Variants in DIXDC1 observed in about 807,000 individuals in gnomAD.
The protein encoded by DIXDC1 is DIX domain containing 1, also known as dixin.
DIXDC1 carries 64 observed loss-of-function variants against 103.1 expected under a neutral mutation model. The observed-to-expected ratio is 0.62, with a 90% confidence interval of 0.51 to 0.76. The LOEUF (loss-of-function observed/expected upper bound fraction) is 0.76. DIXDC1 is among the 30% of genes least tolerant of loss of function. The pLI is 0.00. For missense variants in DIXDC1, 759 were observed against 834.2 expected, an observed-to-expected ratio of 0.91 and a Z score of 1.11; for synonymous variants, 266 against 298.5, an observed-to-expected ratio of 0.89 and a Z score of 1.12.
Position 111,958,218 on chromosome 11 carries a change from C to T in DIXDC1, c.61-6331C>T, listed in dbSNP as rs1859452256. Among the ~76,000 whole-genome samples the T allele has an allele frequency of 6.6e-6, 1 of 151,760 alleles. No individual in the cohort carries two copies. The highest frequency in any genetic ancestry group is 1.5e-5 in the Non-Finnish European group (1 of 67,904). On this transcript the variant is annotated intron_variant, in intron 1 of 19. Transcript: ENST00000440460. The surrounding 1 kb of genome is among the most constrained non-coding windows in gnomAD (Gnocchi z 4.2). ...CCTCCCGGGCACAGCTGCAGCCACCCAAACCATGGCTGTGGACCAGGCATC... is the reference window on the plus strand; with the variant it reads ...CCTCCCGGGCACAGCTGCAGCCACCTAAACCATGGCTGTGGACCAGGCATC...
upstream of DIXDC1, among the ~76,000 whole-genome samples, chr11:111,936,768 T>C (rs1034822611): frequency 2.6e-5 from 4 of 152,098 alleles, no homozygotes; most frequent in African/African-American, 9.7e-5. Flanking sequence ...TGTTTTCGGT[T>C]AGTCTGGGGG....
chr11:112,018,186 G>A (rs1555177997), intron 19 of DIXDC1, among the ~76,000 whole-genome samples: 1 of 152,188 alleles, frequency 6.6e-6, no homozygotes, highest in Admixed American at 6.5e-5. Context: ...TTTTCCATCT[G>A]CAGCCAAATC....
At chr11:111,996,373 C>G (rs976081720) in intron 17 of DIXDC1, 1 of 375,840 alleles carries the variant, frequency 2.7e-6, no homozygotes, top group African/African-American at 2.1e-5. Context: ...GCTGTTGACT[C>G]AGAGAGGCTA....
At chr11:111,970,730 C>T (rs1859892938) in intron 3 of DIXDC1, among the ~76,000 whole-genome samples, 1 of 150,566 alleles carries the variant, frequency 6.6e-6, no homozygotes, top group African/African-American at 2.4e-5. Flanking sequence ...AACTATACTA[C>T]AAGACTACAG....
Position 111,937,446 on chromosome 11 carries a change from G to A in DIXDC1, c.-54G>A, listed in dbSNP as rs1000534225. The A allele has an allele frequency of 1.6e-5, 25 of 1,548,878 alleles. No homozygotes were observed. The highest frequency in any genetic ancestry group is 2.7e-5 in the African/African-American group (2 of 72,876). Reference sequence around the variant, plus strand: ...TTGTGTGCAGAGGGAGGAGGAGGAGGCGGCGGCGGCCGCCGGGCTGGAGAC... The same window carrying A: ...TTGTGTGCAGAGGGAGGAGGAGGAGACGGCGGCGGCCGCCGGGCTGGAGAC... On this transcript the variant is annotated 5_prime_UTR_variant, in exon 1 of 20. Coordinates refer to ENST00000440460, the MANE Select transcript of DIXDC1 (RefSeq NM_001037954.4).
chr11:112,005,873 C>T (rs587615421), intron 17 of DIXDC1, among the ~76,000 whole-genome samples: 1 of 152,150 alleles, frequency 6.6e-6, no homozygotes, highest in African/African-American at 2.4e-5. Flanking sequence ...GGTGTGGTGG[C>T]TTATGACTAT....
intron 1 of DIXDC1, among the ~76,000 whole-genome samples, chr11:111,940,211 G>A (rs1435065448): frequency 6.6e-6 from 1 of 152,224 alleles, no homozygotes; most frequent in East Asian, 1.9e-4. Flanking sequence ...GCATGACAGA[G>A]TTTTCTCTTA....
At chr11:111,928,182 T>A (rs1476957380) in intron 1 of DIXDC1, among the ~76,000 whole-genome samples, 3 of 152,102 alleles carry the variant, frequency 2.0e-5, no homozygotes, top group African/African-American at 7.3e-5. Flanking sequence ...GCAGGCAGAT[T>A]CAGAAAAGGT....
Position 112,019,052 on chromosome 11 carries a change from T to C in DIXDC1, c.*16T>C. On this transcript the variant is annotated 3_prime_UTR_variant, in exon 20 of 20. Coordinates refer to ENST00000440460, the MANE Select transcript of DIXDC1 (RefSeq NM_001037954.4). ...AGAGAATTAATGCCAAGTATCAGAT[T>C]GAGGGCTTATGGAACCTGGTCACTC... is the stretch of plus-strand genomic sequence containing the variant. 2 of 1,607,222 alleles carry C rather than the reference T, an allele frequency of 1.2e-6. No homozygotes were observed. Among genetic ancestry groups the C allele is most frequent in the Non-Finnish European group, 1.7e-6 (2 of 1,174,394 alleles).
intron 1 of DIXDC1, among the ~76,000 whole-genome samples, chr11:111,940,216 C>T (rs1555168676): frequency 6.6e-6 from 1 of 152,260 alleles, no homozygotes; most frequent in Non-Finnish European, 1.5e-5. Context: ...ACAGAGTTTT[C>T]TCTTACCGCA....
At position 112,017,696 on chromosome 11, in the gene DIXDC1, G is replaced by A. The variant is rs587684430; in HGVS notation, c.1863-81G>A. On this transcript the variant is annotated intron_variant, in intron 18 of 19. Coordinates refer to ENST00000440460, the MANE Select transcript of DIXDC1 (RefSeq NM_001037954.4). This position sits in a 1 kb window ranked among gnomAD's most constrained non-coding sequence, Gnocchi z 4.0. ...TATTTCTGCTTATTGACTTTGGCAGGGGGCTGTGTTTAAAGTTAACATCTT... is the reference window on the plus strand; with the variant it reads ...TATTTCTGCTTATTGACTTTGGCAGAGGGCTGTGTTTAAAGTTAACATCTT... 8 of 1,179,396 alleles carry A rather than the reference G, an allele frequency of 6.8e-6. No individual in the cohort carries two copies. In the South Asian group the frequency reaches 8.5e-5, roughly 13 times the overall value. 73.1% of individuals were successfully genotyped at this position (1,179,396 alleles called of 1,614,324 possible). A position where few individuals can be genotyped will look rare whatever the true frequency, so the allele number is the denominator to read the frequency against.
In DIXDC1 at chr11:112,022,413, ATT is replaced by A. The variant is rs1861787245; in HGVS notation, c.*3378_*3379del. On this transcript the variant is annotated 3_prime_UTR_variant, in exon 20 of 20. Coordinates refer to ENST00000440460, the MANE Select transcript of DIXDC1 (RefSeq NM_001037954.4). This position sits in a 1 kb window ranked among gnomAD's most constrained non-coding sequence, Gnocchi z 4.9. ...GTTTACAGCCATTGCTTTCAAAGAG[ATT>A]ATTACTGTGTATTCTCCCTGTTTTA... 1 of 152,608 alleles carries A rather than the reference ATT, an allele frequency of 6.6e-6. No individual in the cohort carries two copies. The highest frequency in any genetic ancestry group is 1.9e-4 in the East Asian group (1 of 5,204). The allele number at this position is 152,608 out of a possible 1,614,324, so 9.5% of individuals were successfully genotyped here.
At chr11:111,955,883 T>C (rs1566482936) in intron 1 of DIXDC1, among the ~76,000 whole-genome samples, 1 of 137,380 alleles carries the variant, frequency 7.3e-6, no homozygotes, top group African/African-American at 2.8e-5. Context: ...GATATTTATA[T>C]ACTTGTATAG....
At chr11:111,965,834 G>A (rs781814026) in intron 2 of DIXDC1, among the ~76,000 whole-genome samples, 4 of 152,082 alleles carry the variant, frequency 2.6e-5, no homozygotes, top group Non-Finnish European at 5.9e-5. Flanking sequence ...ATTTTATGAG[G>A]CTTAGAGAGG....
At chr11:111,968,044 G>T (rs1040206445) in intron 2 of DIXDC1, among the ~76,000 whole-genome samples, 5 of 152,214 alleles carry the variant, frequency 3.3e-5, no homozygotes, top group Non-Finnish European at 7.3e-5. Context: ...GCTGCCAAAT[G>T]TTATTATCAG....
At chr11:111,940,638 A>C (rs1966387730) in intron 1 of DIXDC1, among the ~76,000 whole-genome samples, 1 of 152,200 alleles carries the variant, frequency 6.6e-6, no homozygotes, top group Non-Finnish European at 1.5e-5. Context: ...TCATTTATTC[A>C]GTTATTCATT....
chr11:112,013,321 T>TGGGGGGGGGGGGGGG (rs1403269609), intron 17 of DIXDC1, among the ~76,000 whole-genome samples: 27 of 35,724 alleles, frequency 7.6e-4, no homozygotes, highest in African/African-American at 1.2e-3. Context: ...GGTCGGGGGG[T>TGGGGGGGGGGGGGGG]GGGGGTGGGG....
chr11:111,965,697 G>GA (rs2137511305), intron 2 of DIXDC1, among the ~76,000 whole-genome samples: 1 of 151,958 alleles, frequency 6.6e-6, no homozygotes, highest in East Asian at 1.9e-4. Context: ...CCACTTTTAG[G>GA]AAACAAGCTT....
At chr11:111,929,623 A>G (rs898571582) in intron 1 of DIXDC1, among the ~76,000 whole-genome samples, 1 of 149,302 alleles carries the variant, frequency 6.7e-6, no homozygotes, top group Non-Finnish European at 1.5e-5. Context: ...TTAAAATGCC[A>G]CTGGGATAGC....
Sources: allele counts gnomAD v4.1 joint callset (sites outside exome capture counted in the v4.1 genomes callset), GRCh38; gene constraint gnomAD v4.1.1; non-coding constraint Gnocchi (gnomAD v3.1); transcripts MANE v1.5; gene names NCBI Gene and HGNC (gene_info 2026-07-23, HGNC 2026-07-21).